Variants in ADGRL3 observed in about 807,000 individuals in gnomAD.
ADGRL3 encodes the protein adhesion G protein-coupled receptor L3.
ADGRL3 carries 62 observed loss-of-function variants against 153.5 expected under a neutral mutation model. That is an observed-to-expected ratio of 0.40 (90% CI 0.33 to 0.50). The LOEUF is 0.50. ADGRL3 is among the 20% of genes least tolerant of loss of function. The pLI is 0.47. For synonymous variants in ADGRL3, 710 were observed against 672.5 expected, an observed-to-expected ratio of 1.06 and a Z score of -0.86; for missense variants, 1,641 against 1,859.4, an observed-to-expected ratio of 0.88 and a Z score of 2.16.
Position 61,784,702 on chromosome 4 carries a change from G to A in ADGRL3, c.1400-29107G>A, listed in dbSNP as rs144015059. Among the ~76,000 whole-genome samples the A allele has an allele frequency of 9.8e-3, 1,489 of 152,152 alleles. 14 individuals are homozygous for A. The highest frequency in any genetic ancestry group is 0.017 in the Non-Finnish European group (1,149 of 67,978). The stretch of plus-strand genomic sequence containing the variant: ...TAAGAATTGGGTTCAGAACTCCTGG[G>A]TATCAGCTTTTAGGAAGAATGTCAA... On this transcript the variant is annotated intron_variant, in intron 8 of 26. Coordinates refer to ENST00000683033, the MANE Select transcript of ADGRL3 (RefSeq NM_001387552.1).
intron 1 of ADGRL3, among the ~76,000 whole-genome samples, chr4:61,210,344 C>T (rs1228049485): frequency 6.6e-6 from 1 of 152,088 alleles, no homozygotes; most frequent in African/African-American, 2.4e-5. Flanking sequence ...ACGCATCCCG[C>T]AGAGGCAGAG....
chr4:61,540,135 G>T (rs144701030), intron 4 of ADGRL3, among the ~76,000 whole-genome samples: 15 of 152,226 alleles, frequency 9.9e-5, no homozygotes, highest in African/African-American at 3.6e-4. Flanking sequence ...TACAAATAAA[G>T]AAATTAAATA....
intron 5 of ADGRL3, among the ~76,000 whole-genome samples, chr4:61,629,943 C>G (rs1324809490): frequency 6.6e-6 from 1 of 151,882 alleles, no homozygotes; most frequent in African/African-American, 2.4e-5. Context: ...ATGCTAAGTC[C>G]TTGACACAAT....
At position 61,947,117 on chromosome 4, in the gene ADGRL3, A is replaced by G. The variant is rs1453043909; in HGVS notation, c.2623A>G (p.Ile875Val). 4 of 1,612,252 alleles carry G rather than the reference A, an allele frequency of 2.5e-6. No homozygotes were observed. Among genetic ancestry groups the G allele is most frequent in the East Asian group, 4.5e-5 (2 of 44,840 alleles). ...TCCTGTGGTATTTACTGTTAAACAT[A>G]TCAAGGTAAGAAAATGGCATATTAG... ...ADPVVFTVKH[I>V]KQSEENFNPN... Residue 875 changes from isoleucine to valine, a missense_variant, in exon 16 of 27, where the codon ATC becomes GTC. Coordinates refer to ENST00000683033, the MANE Select transcript of ADGRL3 (RefSeq NM_001387552.1).
chr4:61,784,551 G>A (rs911794024), intron 8 of ADGRL3, among the ~76,000 whole-genome samples: 40 of 152,122 alleles, frequency 2.6e-4, no homozygotes, highest in African/African-American at 9.2e-4. Context: ...TGTAACAACA[G>A]TTTGGGGTAT....
chr4:61,522,449 A>G (rs1308261492), intron 4 of ADGRL3, among the ~76,000 whole-genome samples: 1 of 152,156 alleles, frequency 6.6e-6, no homozygotes, highest in Non-Finnish European at 1.5e-5. Flanking sequence ...ACTCTTGAAA[A>G]TAAAAGCTGT....
intron 4 of ADGRL3, among the ~76,000 whole-genome samples, chr4:61,553,664 C>T (rs761071809): frequency 2.0e-5 from 3 of 151,924 alleles, no homozygotes; most frequent in Non-Finnish European, 4.4e-5. Context: ...TAAAAGGAAA[C>T]TTCAATAATT....
chr4:61,769,833 T>C, intron 8 of ADGRL3, among the ~76,000 whole-genome samples: 1 of 151,816 alleles, frequency 6.6e-6, no homozygotes, highest in Non-Finnish European at 1.5e-5. Flanking sequence ...GAAAAGGACT[T>C]TCACAAGGTA....
At chr4:61,602,894 A>G (rs78750076) in intron 5 of ADGRL3, among the ~76,000 whole-genome samples, 282 of 152,326 alleles carry the variant, frequency 1.9e-3, no homozygotes, top group African/African-American at 5.1e-3. Context: ...GTTCATCTAC[A>G]TACTTAAAAG....
At chr4:61,267,383 C>T (rs2092912941) in intron 1 of ADGRL3, among the ~76,000 whole-genome samples, 1 of 151,608 alleles carries the variant, frequency 6.6e-6, no homozygotes, top group Admixed American at 6.6e-5. Context: ...CCCTACTGTA[C>T]CATCATTGAG....
At chr4:61,557,370 A>T (rs1399650197) in intron 4 of ADGRL3, among the ~76,000 whole-genome samples, 1 of 152,162 alleles carries the variant, frequency 6.6e-6, no homozygotes, top group African/African-American at 2.4e-5. Flanking sequence ...TAATAGATGG[A>T]TGGTTCAGTT....
intron 5 of ADGRL3, among the ~76,000 whole-genome samples, chr4:61,609,400 C>CT (rs2099044736): frequency 6.6e-6 from 1 of 151,998 alleles, no homozygotes; most frequent in South Asian, 2.1e-4. Context: ...TATTTTAAAA[C>CT]CTTTATTAGG....
intron 21 of ADGRL3, among the ~76,000 whole-genome samples, chr4:62,022,536 G>A (rs1400076266): frequency 1.3e-5 from 2 of 152,170 alleles, no homozygotes; most frequent in African/African-American, 2.4e-5. Flanking sequence ...TTATTAGCTA[G>A]AGAGAAGAAG....
intron 3 of ADGRL3, among the ~76,000 whole-genome samples, chr4:61,505,826 A>T (rs1037259078): frequency 8.8e-3 from 131 of 14,814 alleles, no homozygotes; most frequent in African/African-American, 0.067. Context: ...TCTTTTAATA[A>T]AAAAAAAACA....
At chr4:61,472,393 C>T (rs189962920) in intron 2 of ADGRL3, among the ~76,000 whole-genome samples, 10 of 152,008 alleles carry the variant, frequency 6.6e-5, no homozygotes, top group African/African-American at 1.2e-4. Context: ...TTGGCCAGGG[C>T]GGCAGTCTCA....
At chr4:62,067,565 T>G (rs1049992612) in intron 25 of ADGRL3, among the ~76,000 whole-genome samples, 1 of 152,024 alleles carries the variant, frequency 6.6e-6, no homozygotes, top group African/African-American at 2.4e-5. Flanking sequence ...ATGACAATAT[T>G]GCTCAGTTTT....
chr4:61,554,959 G>A (rs998530978), intron 4 of ADGRL3, among the ~76,000 whole-genome samples: 1 of 152,198 alleles, frequency 6.6e-6, no homozygotes, highest in Admixed American at 6.6e-5. Flanking sequence ...ACTGTAGCAG[G>A]TAAATTGACC....
chr4:61,963,826 A>G (rs141635575), intron 17 of ADGRL3, among the ~76,000 whole-genome samples: 1 of 152,294 alleles, frequency 6.6e-6, no homozygotes, highest in African/African-American at 2.4e-5. Context: ...TTGGCTAAAA[A>G]TAGCAGCTAG....
At chr4:61,372,338 G>GT (rs1441322517) in intron 1 of ADGRL3, among the ~76,000 whole-genome samples, 2 of 152,050 alleles carry the variant, frequency 1.3e-5, no homozygotes, top group African/African-American at 2.4e-5. Flanking sequence ...TTTCTGTTCT[G>GT]TTTTTTCCCC....
Sources: gnomAD v4.1 joint callset for allele counts (sites outside exome capture counted in the v4.1 genomes callset) on GRCh38, gnomAD v4.1.1 for gene constraint, MANE v1.5 for transcripts, NCBI Gene and HGNC (gene_info 2026-07-23, HGNC 2026-07-21) for gene names.